RNF150: variants seen among roughly 807,000 people sequenced by gnomAD.
RNF150 encodes the protein ring finger protein 150.
Under a neutral mutation model 39.3 loss-of-function variants are expected in RNF150, and 24 were observed. That is an observed-to-expected ratio of 0.61 (90% CI 0.44 to 0.86). RNF150 has a LOEUF of 0.86. RNF150 is among the 40% of genes least tolerant of loss of function. The pLI, the probability that RNF150 is intolerant of heterozygous loss-of-function variation, is 0.00. For missense variants in RNF150, 502 were observed against 587.8 expected (o/e 0.85, Z 1.51); for synonymous variants, 255 against 227.3 (o/e 1.12, Z -1.10).
chr4:140,877,373 A>C (rs1439903470), intron 6 of RNF150, among the ~76,000 whole-genome samples: 1 of 152,248 alleles, frequency 6.6e-6, no homozygotes, highest in Non-Finnish European at 1.5e-5. Flanking sequence ...CATTAAGCAT[A>C]ATATCTGGTA....
intron 1 of RNF150, among the ~76,000 whole-genome samples, chr4:141,181,717 T>G (rs922407732): frequency 6.6e-6 from 1 of 152,184 alleles, no homozygotes; most frequent in Non-Finnish European, 1.5e-5. Context: ...AGTTTAGTGT[T>G]CAAATAAAAT....
intron 6 of RNF150, among the ~76,000 whole-genome samples, chr4:140,889,964 GTTTCA>G (rs937283759): frequency 4.6e-5 from 7 of 152,132 alleles, no homozygotes; most frequent in African/African-American, 1.7e-4. Flanking sequence ...AATGAATGAT[GTTTCA>G]TTTAAGCCTG....
intron 1 of RNF150, among the ~76,000 whole-genome samples, chr4:141,210,885 T>C (rs1208069640): frequency 1.3e-5 from 2 of 151,552 alleles, no homozygotes; most frequent in Non-Finnish European, 2.9e-5. Flanking sequence ...TCTGAGGCCA[T>C]AGTCCTTTGC....
chr4:140,957,614 G>A (rs1048099758), intron 2 of RNF150, among the ~76,000 whole-genome samples: 10 of 151,962 alleles, frequency 6.6e-5, no homozygotes, highest in African/African-American at 9.7e-5. Flanking sequence ...TGTTTATTGC[G>A]GCATTATTCA....
chr4:140,885,337 A>T (rs1465502210), intron 6 of RNF150, among the ~76,000 whole-genome samples: 2 of 145,852 alleles, frequency 1.4e-5, no homozygotes, highest in African/African-American at 5.0e-5. Flanking sequence ...AGTGGCTGGG[A>T]TTACAGGTGC....
chr4:140,914,222 A>G (rs375033487), intron 5 of RNF150, among the ~76,000 whole-genome samples: 30 of 152,330 alleles, frequency 2.0e-4, no homozygotes, highest in Middle Eastern at 3.4e-3. Flanking sequence ...GAAACTGTCA[A>G]TGGTAGCAAG....
intron 5 of RNF150, among the ~76,000 whole-genome samples, chr4:140,922,605 A>G (rs1200571299): frequency 6.6e-6 from 1 of 151,844 alleles, no homozygotes; most frequent in African/African-American, 2.4e-5. Context: ...TCTTCACAGA[A>G]TTGGAAAAAA....
chr4:140,906,696 A>G (rs1036538264), intron 6 of RNF150, among the ~76,000 whole-genome samples: 1 of 152,136 alleles, frequency 6.6e-6, no homozygotes, highest in African/African-American at 2.4e-5. Context: ...TTCCTTCTGA[A>G]AGTTTGAAGA....
intron 1 of RNF150, among the ~76,000 whole-genome samples, chr4:140,969,348 T>A (rs565500537): frequency 7.9e-5 from 12 of 152,068 alleles, no homozygotes; most frequent in Non-Finnish European, 1.3e-4. Flanking sequence ...ATAGTATGGG[T>A]TTGGCTGTTA....
chr4:141,124,034 G>A (rs1405531167), intron 1 of RNF150, among the ~76,000 whole-genome samples: 4 of 152,220 alleles, frequency 2.6e-5, no homozygotes, highest in Non-Finnish European at 5.9e-5. Flanking sequence ...GGCTAATATG[G>A]ACCAAATTAC....
At chr4:141,012,633 T>C (rs1413616903) in intron 1 of RNF150, among the ~76,000 whole-genome samples, 1 of 151,568 alleles carries the variant, frequency 6.6e-6, no homozygotes, top group African/African-American at 2.4e-5. Context: ...GCCAACATGG[T>C]GAAGCCGGGA....
intron 1 of RNF150, among the ~76,000 whole-genome samples, chr4:141,068,884 G>GC (rs1737569588): frequency 7.8e-6 from 1 of 128,496 alleles, no homozygotes; most frequent in Non-Finnish European, 1.7e-5. Context: ...ATATAAGAAT[G>GC]CTTGTGATTT....
At chr4:141,019,913 C>A (rs1266969713) in intron 1 of RNF150, among the ~76,000 whole-genome samples, 1 of 152,048 alleles carries the variant, frequency 6.6e-6, no homozygotes, top group Non-Finnish European at 1.5e-5. Context: ...CCAGTACACT[C>A]CTTGAATCCT....
chr4:141,152,319 T>C (rs1312269737), intron 1 of RNF150, among the ~76,000 whole-genome samples: 2 of 152,184 alleles, frequency 1.3e-5, no homozygotes, highest in African/African-American at 4.8e-5. Context: ...AAAGAAAATG[T>C]AAGCATTCCT....
chr4:141,112,696 T>C (rs950857759), intron 1 of RNF150, among the ~76,000 whole-genome samples: 3 of 152,144 alleles, frequency 2.0e-5, no homozygotes, highest in Non-Finnish European at 2.9e-5. Context: ...CTGATGATTA[T>C]GCGTCTTGGG....
At position 140,863,381 on chromosome 4, in the gene RNF150, A is replaced by G. The variant is rs1461610292; in HGVS notation, c.*4880T>C. On this transcript the variant is annotated 3_prime_UTR_variant, in exon 7 of 7. Transcript: ENST00000515673. ...ACAACTGGTGATGTGAGAAGTGAAA[A>G]TGAAACTGACTCCTTTAGGGAGGAC... 6.6e-6 allele frequency: 1 copy of G among 152,202 alleles called. No individual in the cohort carries two copies. Among genetic ancestry groups the G allele is most frequent in the African/African-American group, 2.4e-5 (1 of 41,456 alleles). The allele number at this position is 152,202 out of a possible 1,614,324, so 9.4% of individuals were successfully genotyped here.
chr4:141,178,881 C>CTAGAACACATACTAGTGTT (rs1727860199), intron 1 of RNF150, among the ~76,000 whole-genome samples: 5 of 151,824 alleles, frequency 3.3e-5, no homozygotes, highest in African/African-American at 9.7e-5. Flanking sequence ...AATATGTGTT[C>CTAGAACACATACTAGTGTT]CTACCACCTA....
intron 1 of RNF150, among the ~76,000 whole-genome samples, chr4:141,207,387 ATG>A (rs1728391518): frequency 6.6e-6 from 1 of 152,172 alleles, no homozygotes; most frequent in South Asian, 2.1e-4. Flanking sequence ...GGGATGAGAA[ATG>A]TGGGAAACAC....
At chr4:140,960,588 G>C (rs1433785255) in intron 2 of RNF150, among the ~76,000 whole-genome samples, 5 of 152,154 alleles carry the variant, frequency 3.3e-5, no homozygotes, top group Admixed American at 6.6e-5. Context: ...GGAGGGAAGA[G>C]GGGCTTGAAG....
Sources: allele counts gnomAD v4.1 joint callset (sites outside exome capture counted in the v4.1 genomes callset), GRCh38; gene constraint gnomAD v4.1.1; transcripts MANE v1.5; gene names NCBI Gene and HGNC (gene_info 2026-07-23, HGNC 2026-07-21).